The following ASXL3 variants were observed in gnomAD, a reference collection of about 807,000 sequenced individuals.
ASXL3 encodes the protein putative Polycomb group protein ASXL3.
Under a neutral mutation model 170.6 loss-of-function variants are expected in ASXL3, and 34 were observed. The observed-to-expected ratio is 0.20, with a 90% CI of 0.15 to 0.27. ASXL3 has a LOEUF of 0.27. Ranked by LOEUF, ASXL3 falls within the 10% of genes least tolerant of loss-of-function variation. The pLI, the probability that ASXL3 is intolerant of heterozygous loss-of-function variation, is 1.00. For missense variants in ASXL3, 2,592 were observed against 2,695.3 expected (o/e 0.96, Z 0.85); for synonymous variants, 1,002 against 989.1 (o/e 1.01, Z -0.24).
chr18:33,735,385 C>A (rs1391503143), intron 10 of ASXL3, among the ~76,000 whole-genome samples: 1 of 152,098 alleles, frequency 6.6e-6, no homozygotes, highest in Non-Finnish European at 1.5e-5. Flanking sequence ...AAATGGCAGT[C>A]CTTTTGAGTA....
At chr18:33,590,245 C>T (rs1277389933) in intron 1 of ASXL3, among the ~76,000 whole-genome samples, 5 of 151,832 alleles carry the variant, frequency 3.3e-5, no homozygotes, top group Admixed American at 3.3e-4. Context: ...CCACGACAGC[C>T]TAAAGACAAT....
intron 8 of ASXL3, among the ~76,000 whole-genome samples, chr18:33,710,759 G>A (rs925856674): frequency 6.6e-6 from 1 of 151,994 alleles, no homozygotes; most frequent in Non-Finnish European, 1.5e-5. Flanking sequence ...TTTCAAACAA[G>A]ACAGAAGTGT....
chr18:33,588,013 C>T (rs1285978662), intron 1 of ASXL3, among the ~76,000 whole-genome samples: 1 of 147,990 alleles, frequency 6.8e-6, no homozygotes, highest in African/African-American at 2.7e-5. Context: ...TTTTAATAGT[C>T]TGTCTTAATG....
rs113629853 is a variant in ASXL3 at position 33,734,194 on chromosome 18, T to C, written c.977-116T>C. ...AAGATGTAGAAATGTTATCATTATT[T>C]GTCCTTGTACTTTTCAAGATCCATA... On this transcript the variant is annotated intron_variant, in intron 9 of 11. Transcript: ENST00000269197. 1,782 of 559,424 alleles carry C rather than the reference T, an allele frequency of 3.2e-3. 18 individuals carry two copies. The African/African-American group carries it at 0.033, about 10-fold the overall frequency. 34.7% of individuals were successfully genotyped at this position (559,424 alleles called of 1,614,324 possible). A position where few individuals can be genotyped will look rare whatever the true frequency, so the allele number is the denominator to read the frequency against.
At chr18:33,606,758 A>G (rs1204745876) in intron 1 of ASXL3, among the ~76,000 whole-genome samples, 1 of 151,812 alleles carries the variant, frequency 6.6e-6, no homozygotes, top group African/African-American at 2.4e-5. Flanking sequence ...TGTTTCTTGT[A>G]CCCAGATGTG....
At chr18:33,628,086 A>G (rs971364413) in intron 2 of ASXL3, among the ~76,000 whole-genome samples, 2 of 152,282 alleles carry the variant, frequency 1.3e-5, no homozygotes, top group Admixed American at 6.5e-5. Context: ...AGTGTCAGGC[A>G]CTGAGCCAAG....
intron 4 of ASXL3, among the ~76,000 whole-genome samples, chr18:33,657,753 GGAGTGCGA>G (rs2066106912): frequency 6.6e-6 from 1 of 152,032 alleles, no homozygotes; most frequent in Admixed American, 6.6e-5. Flanking sequence ...GAGGGTTTGG[GGAGTGCGA>G]GTAGAGGTAT....
Position 33,578,585 on chromosome 18 carries a change from C to G in ASXL3, c.-47C>G, listed in dbSNP as rs751250598. On this transcript the variant is annotated 5_prime_UTR_variant, in exon 1 of 12. Transcript: ENST00000269197. The stretch of plus-strand genomic sequence containing the variant: ...CTCCGCGCCCGAACCCCGAGCACCC[C>G]GTGGAATCCCCCACGTCATCATCAG... 11 of 1,203,818 alleles carry G rather than the reference C, an allele frequency of 9.1e-6. No individual in the cohort carries two copies. The African/African-American group carries it at 1.8e-4, about 19-fold the overall frequency. 74.6% of individuals were successfully genotyped at this position (1,203,818 alleles called of 1,614,324 possible).
chr18:33,614,632 T>C (rs1205604047), intron 2 of ASXL3: 1 of 152,174 alleles, frequency 6.6e-6, no homozygotes, highest in East Asian at 1.9e-4. Context: ...ATCTATGGCT[T>C]TTACAGCCTT....
At chr18:33,616,840 A>G (rs2145143908) in intron 2 of ASXL3, 1 of 152,174 alleles carries the variant, frequency 6.6e-6, no homozygotes, top group African/African-American at 2.4e-5. Context: ...GTCTCTTCTT[A>G]TAAGGACACC....
In ASXL3 at chr18:33,744,988, A is replaced by G. The variant is rs568504492; in HGVS notation, c.5140A>G (p.Ser1714Gly). ...ACAGAACATGAAAGCTTCCACCTCA[A>G]GTCCCATGGAAGAGGCTATTTCCTT... ...QTQNMKASTS[S>G]PMEEAISLAT... Residue 1714 changes from serine to glycine, a missense_variant, in exon 12 of 12, where the codon AGT becomes GGT. This residue lies in a region of ASXL3 where 2,246 missense variants were observed against 2,219.6 expected (regional missense o/e 1.01). Coordinates refer to ENST00000269197, the MANE Select transcript of ASXL3 (RefSeq NM_030632.3). The G allele has an allele frequency of 1.9e-6, 3 of 1,614,006 alleles. No homozygotes were observed. The highest frequency in any genetic ancestry group is 2.5e-6 in the Non-Finnish European group (3 of 1,179,902).
rs369524338 is a variant in ASXL3 at position 33,734,283 on chromosome 18, T to C, written c.977-27T>C. 1.3e-5 allele frequency: 19 copies of C among 1,501,082 alleles called. No individual in the cohort carries two copies. In the East Asian group the frequency reaches 2.3e-4, roughly 18 times the overall value. The allele number at this position is 1,501,082 out of a possible 1,614,324, so 93.0% of individuals were successfully genotyped here. On this transcript the variant is annotated intron_variant, in intron 9 of 11. Transcript: ENST00000269197. ...TTAGCAAAAGATGTGACCACATTTA[T>C]TCAATACATTAGCATTTTCTTTTTA...
intron 2 of ASXL3, among the ~76,000 whole-genome samples, chr18:33,610,665 C>T (rs1182952869): frequency 4.6e-5 from 7 of 151,950 alleles, no homozygotes; most frequent in South Asian, 2.1e-4. Context: ...TCCTGGCTCT[C>T]GGCAGATACT....
intron 8 of ASXL3, among the ~76,000 whole-genome samples, chr18:33,717,481 C>CA (rs1432398577): frequency 6.6e-6 from 1 of 152,116 alleles, no homozygotes; most frequent in Non-Finnish European, 1.5e-5. Flanking sequence ...AACAGCATTG[C>CA]AAGTATGCTT....
intron 1 of ASXL3, among the ~76,000 whole-genome samples, chr18:33,589,136 G>T (rs1320716425): frequency 2.0e-5 from 3 of 152,132 alleles, no homozygotes; most frequent in Non-Finnish European, 4.4e-5. Context: ...TGAGTCCAAA[G>T]TCTGCCACTT....
intron 7 of ASXL3, among the ~76,000 whole-genome samples, chr18:33,674,671 T>A (rs2066397420): frequency 6.6e-6 from 1 of 151,146 alleles, no homozygotes. Context: ...CAGACTGGAG[T>A]GCAGTGGTGC....
At position 33,745,572 on chromosome 18, in the gene ASXL3, G is replaced by T. The variant is rs746172646; in HGVS notation, c.5724G>T (p.Gln1908His). Residue 1908 changes from glutamine (Q) to histidine (H), a missense_variant, in exon 12 of 12, where the codon CAG becomes CAT. Gln to His is a conservative substitution (Grantham distance 24, BLOSUM62 0). This residue lies in a region of ASXL3 where 2,246 missense variants were observed against 2,219.6 expected (regional missense o/e 1.01). Coordinates refer to ENST00000269197, the MANE Select transcript of ASXL3 (RefSeq NM_030632.3). ...KRLLPSCSFQ[Q>H]NLFHVDKNGG... ...TGCTCCCCTCGTGTAGCTTCCAGCAGAACCTATTTCATGTTGACAAGAATG... is the reference window on the plus strand; with the variant it reads ...TGCTCCCCTCGTGTAGCTTCCAGCATAACCTATTTCATGTTGACAAGAATG... The T allele has an allele frequency of 1.9e-6, 3 of 1,613,996 alleles. No individual in the cohort carries two copies. The South Asian group carries it at 3.3e-5, about 18-fold the overall frequency.
intron 3 of ASXL3, among the ~76,000 whole-genome samples, chr18:33,645,863 C>T (rs569921990): frequency 6.6e-6 from 1 of 151,854 alleles, no homozygotes; most frequent in East Asian, 1.9e-4. Flanking sequence ...CCAGGTTAAT[C>T]AGAAAGACTT....
At chr18:33,632,447 T>A (rs2065692779) in intron 2 of ASXL3, among the ~76,000 whole-genome samples, 1 of 152,166 alleles carries the variant, frequency 6.6e-6, no homozygotes, top group African/African-American at 2.4e-5. Flanking sequence ...CTCTGATGCA[T>A]GTACATATCT....
Sources: allele counts gnomAD v4.1 joint callset (sites outside exome capture counted in the v4.1 genomes callset), GRCh38; gene constraint gnomAD v4.1.1; regional missense constraint gnomAD v4.1.1; transcripts MANE v1.5; gene names NCBI Gene and HGNC (gene_info 2026-07-23, HGNC 2026-07-21).